The following NBPF26 variants were observed in gnomAD, a reference collection of about 807,000 sequenced individuals.
NBPF26 encodes NBPF member 26, also known as NBPF family member NBPF26.
NBPF26 carries 79 observed loss-of-function variants against 119.6 expected under a neutral mutation model. The ratio of observed to expected loss-of-function variants is 0.66; its 90% CI spans 0.55 to 0.80. NBPF26 has a LOEUF of 0.80. Ranked by LOEUF, NBPF26 falls within the 30% of genes least tolerant of loss-of-function variation. The pLI is 0.00. For synonymous variants in NBPF26, 299 were observed against 457.7 expected (o/e 0.65, Z 4.43); for missense variants, 800 against 1,198.2 (o/e 0.67, Z 4.91).
In NBPF26 at chr1:120,801,573, T is replaced by A. The variant is rs1197373295; in HGVS notation, c.752-3983T>A. Among the ~76,000 whole-genome samples, 9 of 96,012 alleles carry A rather than the reference T, an allele frequency of 9.4e-5. 1 individual carries two copies. In the East Asian group the frequency reaches 1.1e-3, roughly 12 times the overall value. 63.0% of individuals were successfully genotyped at this position (96,012 alleles called of 152,430 possible). ...GGCCAGGCTCAGTGGTTTACTCCTGTAATCCCAGCACTTTTGGAGGCCTAG... is the reference window on the plus strand; with the variant it reads ...GGCCAGGCTCAGTGGTTTACTCCTGAAATCCCAGCACTTTTGGAGGCCTAG... On this transcript the variant is annotated intron_variant, in intron 4 of 29. Coordinates refer to ENST00000620612, the Ensembl canonical transcript of NBPF26.
In NBPF26 at chr1:120,790,468, G is replaced by T. The variant is rs1651474615; in HGVS notation, c.416-2693G>T. ...AGAGATGAAGAAGCAGAGGCAGCAA[G>T]TTAGTGCCTATACATAATATATATG... On this transcript the variant is annotated intron_variant, in intron 3 of 29. Coordinates refer to ENST00000620612, the Ensembl canonical transcript of NBPF26. Among the ~76,000 whole-genome samples, 3 of 116,856 alleles carry T rather than the reference G, an allele frequency of 2.6e-5. 1 individual carries two copies. Among genetic ancestry groups the T allele is most frequent in the African/African-American group, 1.5e-4 (3 of 19,908 alleles). The allele number at this position is 116,856 out of a possible 152,430, so 76.7% of individuals were successfully genotyped here.
At chr1:120,777,574 C>T in intron 2 of NBPF26, among the ~76,000 whole-genome samples, 1 of 99,866 alleles carries the variant, frequency 1.0e-5, no homozygotes, top group Non-Finnish European at 1.8e-5. Context: ...TTCTGGACAC[C>T]AATCTATACA....
rs1435347255 is a variant in NBPF26 at position 120,808,472 on chromosome 1, G to A, written c.1065-73G>A. 4.4e-5 allele frequency: 47 copies of A among 1,064,012 alleles called. 7 individuals carry two copies. The highest frequency in any genetic ancestry group is 1.4e-4 in the South Asian group (11 of 77,042). The allele number at this position is 1,064,012 out of a possible 1,614,324, so 65.9% of individuals were successfully genotyped here. A position where few individuals can be genotyped will look rare whatever the true frequency, so the allele number is the denominator to read the frequency against. On this transcript the variant is annotated intron_variant, in intron 6 of 29. Coordinates refer to ENST00000620612, the Ensembl canonical transcript of NBPF26. ...TCTCCTTGAGGACATTGTCTCAGAA[G>A]TCTCTGTTGCAATATTTGAACGGAT...
chr1:120,818,645 T>C, intron 15 of NBPF26, among the ~76,000 whole-genome samples: 1 of 125,770 alleles, frequency 8.0e-6, no homozygotes, highest in Non-Finnish European at 1.6e-5. Context: ...CCTCTACACA[T>C]TGCTTTAAAT....
intron 3 of NBPF26, among the ~76,000 whole-genome samples, chr1:120,786,632 G>A (rs1296558915): frequency 5.4e-5 from 1 of 18,668 alleles, no homozygotes; most frequent in Non-Finnish European, 8.5e-5. Context: ...CTCCCCACAA[G>A]CATCTAGGCC....
At chr1:120,829,408 A>C (rs1652288732) in intron 18 of NBPF26, among the ~76,000 whole-genome samples, 1 of 79,232 alleles carries the variant, frequency 1.3e-5, no homozygotes, top group Non-Finnish European at 2.2e-5. Flanking sequence ...TACCATGAAC[A>C]ATCTGAGTAT....
chr1:120,818,001 G>T, intron 14 of NBPF26, 122 bp from the exon 15 acceptor site: 3 of 498,014 alleles, frequency 6.0e-6, no homozygotes, highest in South Asian at 4.3e-5. Context: ...GAATATTCCT[G>T]TCAGAATCCT....
At chr1:120,810,886 C>T (rs1571037288) in intron 9 of NBPF26, among the ~76,000 whole-genome samples, 1 of 108,700 alleles carries the variant, frequency 9.2e-6, no homozygotes, top group East Asian at 2.2e-4. Flanking sequence ...ATGATCCTCC[C>T]ACTCTAATTC....
chr1:120,728,818 T>G (rs1170083360), intron 1 of NBPF26, among the ~76,000 whole-genome samples: 1 of 115,016 alleles, frequency 8.7e-6, no homozygotes, highest in Non-Finnish European at 1.7e-5. Context: ...TTTGCTTTTT[T>G]TTTTTTTGAA....
chr1:120,811,102 G>C lies in NBPF26; in HGVS notation c.1564+544G>C, dbSNP rs1420143916. ...AAAAATACAAAAAAAAAAAAAATTA[G>C]CTGGGTGTGGTGGTGGGTGCCTGTA... is the stretch of plus-strand genomic sequence containing the variant. On this transcript the variant is annotated intron_variant, in intron 9 of 29. Coordinates refer to ENST00000620612, the Ensembl canonical transcript of NBPF26. Among the ~76,000 whole-genome samples, 4 of 103,600 alleles carry C rather than the reference G, an allele frequency of 3.9e-5. 2 individuals are homozygous for C. Among genetic ancestry groups the C allele is most frequent in the African/African-American group, 2.5e-4 (4 of 16,274 alleles). The allele number at this position is 103,600 out of a possible 152,430, so 68.0% of individuals were successfully genotyped here.
Position 120,823,691 on chromosome 1 carries a change from A to G in NBPF26, c.2640-283A>G, listed in dbSNP as rs1294325829. Among the ~76,000 whole-genome samples, 3 of 120,340 alleles carry G rather than the reference A, an allele frequency of 2.5e-5. 1 individual carries two copies. The East Asian group carries it at 6.0e-4, about 24-fold the overall frequency. The allele number at this position is 120,340 out of a possible 152,430, so 78.9% of individuals were successfully genotyped here. On this transcript the variant is annotated intron_variant, in intron 17 of 29. Coordinates refer to ENST00000620612, the Ensembl canonical transcript of NBPF26. Reference sequence around the variant, plus strand: ...TTCACTGTGTGTCCTGAGAGCACAAATACAGAGTGTCCTTTGACTCCCTCA... The same window carrying G: ...TTCACTGTGTGTCCTGAGAGCACAAGTACAGAGTGTCCTTTGACTCCCTCA...
intron 3 of NBPF26, among the ~76,000 whole-genome samples, chr1:120,792,624 T>C (rs1383557517): frequency 9.3e-6 from 1 of 107,480 alleles, no homozygotes; most frequent in African/African-American, 5.0e-5. Flanking sequence ...GCCTCAGCCT[T>C]CCAAGTAGCT....
exon 5 of NBPF26, chr1:120,805,739 T>G: frequency 6.9e-7 from 1 of 1,442,966 alleles, no homozygotes; most frequent in Non-Finnish European, 9.3e-7. Context: ...CTGGCCGGCT[T>G]CCTGGCCAAC....
intron 1 of NBPF26, among the ~76,000 whole-genome samples, chr1:120,759,470 A>G (rs2101398964): frequency 1.6e-5 from 1 of 64,288 alleles, no homozygotes; most frequent in South Asian, 4.2e-4. Flanking sequence ...TGGTATGATT[A>G]ATGTTTCTTT....
chr1:120,747,810 G>A lies in NBPF26; in HGVS notation c.74-15818G>A. 6.7e-5 allele frequency among the ~76,000 whole-genome samples: 2 copies of A among 29,964 alleles called. 1 individual carries two copies. The highest frequency in any genetic ancestry group is 1.7e-3 in the East Asian group (2 of 1,204). 19.7% of individuals were successfully genotyped at this position (29,964 alleles called of 152,430 possible). A position where few individuals can be genotyped will look rare whatever the true frequency, so the allele number is the denominator to read the frequency against. On this transcript the variant is annotated intron_variant, in intron 1 of 29. Coordinates refer to ENST00000620612, the Ensembl canonical transcript of NBPF26. The stretch of plus-strand genomic sequence containing the variant: ...GTCTAAGATATTTGTTCTTTTGTTT[G>A]TAGCTTATCTTTTACTCCCCACGTT...
Position 120,729,013 on chromosome 1 carries a change from T to A in NBPF26, c.73+4763T>A, listed in dbSNP as rs1463111238. The stretch of plus-strand genomic sequence containing the variant: ...AACTTGTCTGGCATGTGCCCCAAAT[T>A]CAGAGTCAACTGAGTGGCAGGTCTT... On this transcript the variant is annotated intron_variant, in intron 1 of 29. Coordinates refer to ENST00000620612, the Ensembl canonical transcript of NBPF26. 3.2e-4 allele frequency among the ~76,000 whole-genome samples: 37 copies of A among 116,690 alleles called. 7 individuals are homozygous for A. The highest frequency in any genetic ancestry group is 3.3e-5 in the Non-Finnish European group (2 of 61,070). The allele number at this position is 116,690 out of a possible 152,430, so 76.6% of individuals were successfully genotyped here.
At position 120,793,201 on chromosome 1, in the gene NBPF26, CTG is replaced by C. The variant is rs1651512547; in HGVS notation, c.459_460del (p.Ala154LysfsTer26). 6.9e-7 allele frequency: 1 copy of C among 1,442,098 alleles called. No homozygotes were observed. The highest frequency in any genetic ancestry group is 1.2e-5 in the South Asian group (1 of 83,052). The allele number at this position is 1,442,098 out of a possible 1,614,324, so 89.3% of individuals were successfully genotyped here. A position where few individuals can be genotyped will look rare whatever the true frequency, so the allele number is the denominator to read the frequency against. Reference sequence around the variant, plus strand: ...GGACCGATGCCTGCCTGTCTCATCTCTGTGCAAATGGAAGTACCTGTACCACT... The same window carrying C: ...GGACCGATGCCTGCCTGTCTCATCTCTGCAAATGGAAGTACCTGTACCACT... On this transcript the variant is annotated frameshift_variant, in exon 4 of 30. Transcript: ENST00000620612. LOFTEE classifies it high-confidence loss of function.
At position 120,812,214 on chromosome 1, in the gene NBPF26, A is replaced by G. The variant is rs1163890164; in HGVS notation, c.1774+119A>G. Reference sequence around the variant, plus strand: ...ATCCTCCCCGTACTTCTAGGAAAACAGAAATGGGTATTTTAACATTTTGTC... The same window carrying G: ...ATCCTCCCCGTACTTCTAGGAAAACGGAAATGGGTATTTTAACATTTTGTC... On this transcript the variant is annotated intron_variant, in intron 10 of 29. Coordinates refer to ENST00000620612, the Ensembl canonical transcript of NBPF26. 12 of 675,444 alleles carry G rather than the reference A, an allele frequency of 1.8e-5. 1 individual carries two copies. The highest frequency in any genetic ancestry group is 2.9e-5 in the Non-Finnish European group (12 of 409,602). 41.8% of individuals were successfully genotyped at this position (675,444 alleles called of 1,614,324 possible).
chr1:120,793,596 AG>A (rs1297716309), intron 4 of NBPF26, 100 bp downstream of exon 4: 1 of 907,228 alleles, frequency 1.1e-6, no homozygotes, highest in Non-Finnish European at 1.6e-6. Flanking sequence ...GCAAGGAAAA[AG>A]GGAAGTGAGA....
Sources: gnomAD v4.1 joint callset for allele counts (sites outside exome capture counted in the v4.1 genomes callset) on GRCh38, gnomAD v4.1.1 for gene constraint, MANE v1.5 for transcripts, NCBI Gene and HGNC (gene_info 2026-07-23, HGNC 2026-07-21) for gene names.